ARMH1: variants seen among roughly 807,000 people sequenced by gnomAD.
ARMH1 encodes the protein armadillo like helical domain containing 1, also known as armadillo-like helical domain containing protein 1.
A neutral mutation model predicts 50.2 loss-of-function variants in ARMH1; 34 were observed. The ratio of observed to expected loss-of-function variants is 0.68; its 90% CI spans 0.51 to 0.90. The LOEUF (loss-of-function observed/expected upper bound fraction) is 0.90, where lower values mean the gene tolerates loss of function less well. Among genes scored for constraint, ARMH1 ranks in the 40% least tolerant of loss-of-function variants. The probability of loss-of-function intolerance (pLI) is 0.00; values close to 1 mark genes in which losing one functional copy is unlikely to be tolerated. For synonymous variants in ARMH1, 221 were observed against 224.2 expected, an observed-to-expected ratio of 0.99 and a Z score of 0.13; for missense variants, 538 against 553.9, an observed-to-expected ratio of 0.97 and a Z score of 0.29.
At chr1:44,721,821 A>T (rs555047397) in intron 6 of ARMH1, 1 of 152,184 alleles carries the variant, frequency 6.6e-6, no homozygotes, top group African/African-American at 2.4e-5. Flanking sequence ...AAATTTAACC[A>T]TAAACTCATA....
In ARMH1 at chr1:44,724,715, C is replaced by A; in HGVS notation, c.1050+47C>A. On this transcript the variant is annotated intron_variant, in intron 9 of 11. Transcript: ENST00000535358. The surrounding 1 kb of genome is among the most constrained non-coding windows in gnomAD (Gnocchi z 6.4). ...GGGGCGGGAAGGGCGGCGGCACCCG[C>A]AGCCCCGTCGCCCCCGCAGTCACGC... 1 of 1,491,316 alleles carries A rather than the reference C, an allele frequency of 6.7e-7. No homozygotes were observed. Among genetic ancestry groups the A allele is most frequent in the South Asian group, 1.3e-5 (1 of 77,658 alleles). 92.4% of individuals were successfully genotyped at this position (1,491,316 alleles called of 1,614,324 possible).
intron 6 of ARMH1, among the ~76,000 whole-genome samples, chr1:44,712,502 G>A (rs1371310209): frequency 1.4e-5 from 2 of 141,892 alleles, no homozygotes; most frequent in Admixed American, 7.3e-5. Context: ...GGGCATGGTG[G>A]CTCACACCTG....
At chr1:44,699,339 A>G (rs1452927097) in intron 4 of ARMH1, among the ~76,000 whole-genome samples, 1 of 152,074 alleles carries the variant, frequency 6.6e-6, no homozygotes, top group Non-Finnish European at 1.5e-5. Context: ...ATTATTGAAT[A>G]CCTACTGTGT....
rs1645076380 is a variant in ARMH1, at chr1:44,674,806, T to A, written c.-90T>A. 1 of 172,326 alleles carries A rather than the reference T, an allele frequency of 5.8e-6. No homozygotes were observed. The highest frequency in any genetic ancestry group is 1.2e-5 in the Non-Finnish European group (1 of 80,662). 10.7% of individuals were successfully genotyped at this position (172,326 alleles called of 1,614,324 possible). ...TCCTATCCTACGCGGCGGAAGAGTGTGCCCTTTGACTTGCATCGTCTACCT... is the reference window on the plus strand; with the variant it reads ...TCCTATCCTACGCGGCGGAAGAGTGAGCCCTTTGACTTGCATCGTCTACCT... On this transcript the variant is annotated 5_prime_UTR_variant, in exon 1 of 12. An upstream open reading frame in the 5' UTR gains an earlier in-frame stop. Transcript: ENST00000535358.
chr1:44,690,402 G>A (rs1179766562), intron 2 of ARMH1, among the ~76,000 whole-genome samples: 1 of 151,872 alleles, frequency 6.6e-6, no homozygotes, highest in East Asian at 1.9e-4. Flanking sequence ...ACCTATAATT[G>A]TATTTCTTTC....
In ARMH1 at chr1:44,679,101, A is replaced by G. The variant is rs1645227245; in HGVS notation, c.-23+4228A>G. On this transcript the variant is annotated intron_variant, in intron 1 of 11. Coordinates refer to ENST00000535358, the MANE Select transcript of ARMH1 (RefSeq NM_001145636.2). The stretch of plus-strand genomic sequence containing the variant: ...GTTATCCTTGCAGAAGACTTTGCCA[A>G]GGTTAGAAGGCCACAAACAAACCAA... Among the ~76,000 whole-genome samples the G allele has an allele frequency of 3.3e-5, 5 of 152,230 alleles. No homozygotes were observed. In the South Asian group the frequency reaches 1.0e-3, roughly 31 times the overall value.
chr1:44,700,632 A>C (rs1210947604), intron 4 of ARMH1, among the ~76,000 whole-genome samples: 9 of 152,044 alleles, frequency 5.9e-5, no homozygotes, highest in Admixed American at 4.6e-4. Context: ...AAAAAAAAAA[A>C]AAGAGTTATC....
intron 6 of ARMH1, among the ~76,000 whole-genome samples, chr1:44,716,418 C>G (rs1228401877): frequency 6.6e-6 from 1 of 152,164 alleles, no homozygotes; most frequent in Non-Finnish European, 1.5e-5. Flanking sequence ...GGAGTGACCT[C>G]TCTATAGCTC....
intron 4 of ARMH1, 124 bp downstream of exon 4, chr1:44,698,353 T>C (rs1645899000): frequency 1.0e-5 from 8 of 788,454 alleles, no homozygotes; most frequent in Non-Finnish European, 1.5e-5. Flanking sequence ...TTTGTGCTCC[T>C]GTCCATGTCA....
intron 5 of ARMH1, among the ~76,000 whole-genome samples, chr1:44,702,925 G>A (rs1367184905): frequency 6.6e-6 from 1 of 152,070 alleles, no homozygotes; most frequent in African/African-American, 2.4e-5. Flanking sequence ...TCTATGGCAG[G>A]AAAAATTAAA....
At chr1:44,703,228 C>A (rs1482780702) in intron 5 of ARMH1, among the ~76,000 whole-genome samples, 1 of 151,968 alleles carries the variant, frequency 6.6e-6, no homozygotes, top group East Asian at 1.9e-4. Flanking sequence ...GTCCTCTCTC[C>A]CCCAATCAGA....
intron 1 of ARMH1, chr1:44,688,201 TC>T (rs1193850630): frequency 6.6e-6 from 1 of 152,308 alleles, no homozygotes; most frequent in African/African-American, 2.4e-5. Flanking sequence ...TTCAGGTTGG[TC>T]CGCAGTCATT....
chr1:44,698,656 CA>C (rs1454369460), intron 4 of ARMH1, among the ~76,000 whole-genome samples: 1 of 150,476 alleles, frequency 6.6e-6, no homozygotes, highest in Non-Finnish European at 1.5e-5. Flanking sequence ...ACTAAAAATA[CA>C]AAAAAATTAG....
chr1:44,725,055 G>T, intron 10 of ARMH1, 81 bp from the exon 11 acceptor site: 1 of 1,540,232 alleles, frequency 6.5e-7, no homozygotes, highest in Non-Finnish European at 8.8e-7. Context: ...CCCCCCACCT[G>T]CAACATCCCT....
At chr1:44,722,957 C>T (rs1199656786) in intron 6 of ARMH1, among the ~76,000 whole-genome samples, 4 of 151,252 alleles carry the variant, frequency 2.6e-5, no homozygotes, top group Non-Finnish European at 5.9e-5. Context: ...GCCTGTAATC[C>T]CAGCCTACTC....
Position 44,725,412 on chromosome 1 carries a change from G to A in ARMH1, c.*9G>A. The A allele has an allele frequency of 1.9e-6, 3 of 1,551,708 alleles. No homozygotes were observed. The highest frequency in any genetic ancestry group is 1.7e-6 in the Non-Finnish European group (2 of 1,146,920). On this transcript the variant is annotated 3_prime_UTR_variant, in exon 12 of 12. Transcript: ENST00000535358. ...TAGAATCAAAGGAGTAACAGCCCCT[G>A]TGGCAAACCAGGAAGGCCAAGGCTG...
chr1:44,678,056 A>G (rs1162200680), intron 1 of ARMH1, among the ~76,000 whole-genome samples: 3 of 152,078 alleles, frequency 2.0e-5, no homozygotes, highest in South Asian at 2.1e-4. Flanking sequence ...GAGGCTGAGG[A>G]TGGAGGAGAC....
chr1:44,687,130 T>G (rs1157794351), intron 1 of ARMH1, among the ~76,000 whole-genome samples: 1 of 152,198 alleles, frequency 6.6e-6, no homozygotes, highest in Non-Finnish European at 1.5e-5. Context: ...CTCACAGTTC[T>G]GGAGGCTGGA....
intron 2 of ARMH1, among the ~76,000 whole-genome samples, chr1:44,696,100 A>T (rs908374671): frequency 6.6e-6 from 1 of 152,200 alleles, no homozygotes; most frequent in Non-Finnish European, 1.5e-5. Context: ...TGTAGGAATA[A>T]AAAGACCACC....
Sources: gnomAD v4.1 joint callset for allele counts (sites outside exome capture counted in the v4.1 genomes callset) on GRCh38, gnomAD v4.1.1 for gene constraint, Gnocchi (gnomAD v3.1) non-coding constraint, MANE v1.5 for transcripts, NCBI Gene and HGNC (gene_info 2026-07-23, HGNC 2026-07-21) for gene names.